The following SPON1 variants were observed in gnomAD, a reference collection of about 807,000 sequenced individuals.
The protein encoded by SPON1 is spondin-1.
SPON1 carries 52 observed loss-of-function variants against 111.7 expected under a neutral mutation model. The observed-to-expected ratio is 0.47, with a 90% CI of 0.37 to 0.59. The LOEUF (loss-of-function observed/expected upper bound fraction) is 0.59, where lower values mean the gene tolerates loss of function less well. Among genes scored for constraint, SPON1 ranks in the 20% least tolerant of loss-of-function variants. SPON1 has a pLI of 0.00. For synonymous variants in SPON1, 410 were observed against 395.8 expected (o/e 1.04, Z -0.43); for missense variants, 957 against 1,068.5 (o/e 0.90, Z 1.46).
At chr11:14,055,193 C>A (rs1848735922) in intron 3 of SPON1, among the ~76,000 whole-genome samples, 1 of 152,192 alleles carries the variant, frequency 6.6e-6, no homozygotes, top group Admixed American at 6.5e-5. Context: ...TAACACACTC[C>A]TATCTTTCTA....
At chr11:14,098,662 GA>G (rs1554924132) in intron 5 of SPON1, among the ~76,000 whole-genome samples, 1 of 149,752 alleles carries the variant, frequency 6.7e-6, no homozygotes, top group African/African-American at 2.4e-5. Flanking sequence ...CAGAGAGAGA[GA>G]GAGGGGTGGG....
chr11:14,135,383 G>A lies in SPON1; in HGVS notation c.677-37G>A, dbSNP rs1460812984. The stretch of plus-strand genomic sequence containing the variant: ...TTAAGGGACTCGTGTTTCAGCCACA[G>A]CCATGCTGATAACTGCCTCCTGATT... On this transcript the variant is annotated intron_variant, in intron 5 of 15. Transcript: ENST00000576479. The surrounding 1 kb of genome is among the most constrained non-coding windows in gnomAD (Gnocchi z 4.4). The A allele has an allele frequency of 3.8e-6, 6 of 1,593,946 alleles. No individual in the cohort carries two copies. In the South Asian group the frequency reaches 4.5e-5, roughly 12 times the overall value.
At position 14,013,605 on chromosome 11, in the gene SPON1, A is replaced by G. The variant is rs138956006; in HGVS notation, c.346-27916A>G. On this transcript the variant is annotated intron_variant, in intron 2 of 15. Transcript: ENST00000576479. ...AGTAGGATCTTCTGGGGTACATACA[A>G]CTTAAATGTAGTTTTGAAAGTTGCT... Among the ~76,000 whole-genome samples the G allele has an allele frequency of 7.9e-5, 12 of 152,230 alleles. No individual in the cohort carries two copies. The East Asian group carries it at 2.3e-3, about 29-fold the overall frequency.
intron 7 of SPON1, among the ~76,000 whole-genome samples, chr11:14,243,650 T>C (rs544982806): frequency 3.3e-5 from 5 of 152,296 alleles, no homozygotes; most frequent in African/African-American, 4.8e-5. Context: ...CCAACTCAGA[T>C]GGGATGATTA....
chr11:14,159,555 A>T (rs1364664832), intron 6 of SPON1, among the ~76,000 whole-genome samples: 1 of 152,148 alleles, frequency 6.6e-6, no homozygotes, highest in Non-Finnish European at 1.5e-5. Context: ...AAGAAAGGAA[A>T]TCAGTATATC....
At position 14,266,916 on chromosome 11, in the gene SPON1, C is replaced by A. The variant is rs781833582; in HGVS notation, c.*1229C>A. ...TGCCTTCCCAGCAATTATAAGCACA[C>A]CAGATTCAGGGAGACTGACCACCAA... On this transcript the variant is annotated 3_prime_UTR_variant, in exon 16 of 16. Transcript: ENST00000576479. 1.3e-5 allele frequency: 2 copies of A among 152,190 alleles called. No individual in the cohort carries two copies. The highest frequency in any genetic ancestry group is 2.4e-5 in the African/African-American group (1 of 41,434). 9.4% of individuals were successfully genotyped at this position (152,190 alleles called of 1,614,324 possible).
At chr11:14,065,937 G>A (rs1251771772) in intron 3 of SPON1, among the ~76,000 whole-genome samples, 3 of 152,146 alleles carry the variant, frequency 2.0e-5, no homozygotes, top group African/African-American at 7.2e-5. Flanking sequence ...CTGGACTCAA[G>A]GGGCTCTGAG....
intron 6 of SPON1, among the ~76,000 whole-genome samples, chr11:14,225,727 ATATCT>A (rs772625671): frequency 3.9e-5 from 6 of 152,232 alleles, no homozygotes; most frequent in African/African-American, 1.4e-4. Context: ...AGAAAATAAA[ATATCT>A]TATCAGAGAG....
At chr11:13,991,437 GTTC>G (rs2133787151) in intron 2 of SPON1, among the ~76,000 whole-genome samples, 1 of 152,222 alleles carries the variant, frequency 6.6e-6, no homozygotes, top group South Asian at 2.1e-4. Flanking sequence ...GGTCATTTAT[GTTC>G]TTCTCTACAC....
In SPON1 at chr11:14,027,558, TC is replaced by T. The variant is rs1258592860; in HGVS notation, c.346-13961del. Among the ~76,000 whole-genome samples, 8 of 152,318 alleles carry T rather than the reference TC, an allele frequency of 5.3e-5. 1 individual carries two copies. The highest frequency in any genetic ancestry group is 3.4e-3 in the Middle Eastern group (1 of 294). ...GGACCTCAGCAAACTGAGTTTTTGC[TC>T]CTTTTTCCTTTGCTAAATGAAATCA... On this transcript the variant is annotated intron_variant, in intron 2 of 15. Coordinates refer to ENST00000576479, the MANE Select transcript of SPON1 (RefSeq NM_006108.4).
chr11:14,128,490 C>A (rs905784531), intron 5 of SPON1, among the ~76,000 whole-genome samples: 1 of 152,214 alleles, frequency 6.6e-6, no homozygotes, highest in East Asian at 1.9e-4. Flanking sequence ...AGGCCTTGGG[C>A]AGCTCCACCC....
intron 3 of SPON1, among the ~76,000 whole-genome samples, chr11:14,054,398 A>AG (rs1297653538): frequency 3.3e-5 from 5 of 152,230 alleles, no homozygotes; most frequent in Admixed American, 2.0e-4. Context: ...TTAAGGAGAA[A>AG]GAGGGGGAAG....
chr11:14,013,817 T>C (rs1303702339), intron 2 of SPON1, among the ~76,000 whole-genome samples: 1 of 152,094 alleles, frequency 6.6e-6, no homozygotes, highest in Non-Finnish European at 1.5e-5. Context: ...GTTATGAACA[T>C]TTTAGAGATG....
At chr11:14,240,267 A>G (rs1848911367) in intron 6 of SPON1, among the ~76,000 whole-genome samples, 1 of 152,238 alleles carries the variant, frequency 6.6e-6, no homozygotes, top group Admixed American at 6.5e-5. Flanking sequence ...GTTAAGTTCT[A>G]CCAGATAACT....
At chr11:14,121,892 T>G (rs1239636545) in intron 5 of SPON1, among the ~76,000 whole-genome samples, 1 of 144,568 alleles carries the variant, frequency 6.9e-6, no homozygotes, top group South Asian at 2.1e-4. Flanking sequence ...GGCTGACAGT[T>G]TTTTTTTTTA....
chr11:13,975,877 T>C (rs1265957777), intron 1 of SPON1, among the ~76,000 whole-genome samples: 1 of 152,114 alleles, frequency 6.6e-6, no homozygotes, highest in Non-Finnish European at 1.5e-5. Context: ...ATTATGATCT[T>C]TTATCATAAT....
chr11:13,967,571 G>A (rs1209118983), intron 1 of SPON1, among the ~76,000 whole-genome samples: 1 of 150,946 alleles, frequency 6.6e-6, no homozygotes, highest in Non-Finnish European at 1.5e-5. Flanking sequence ...AGATTTGACT[G>A]TTGTTTTGTT....
chr11:14,262,978 A>T lies in SPON1; in HGVS notation c.2260+3A>T, dbSNP rs1233190112. On this transcript the variant is annotated splice_donor_region_variant and intron_variant, in intron 15 of 15. Transcript: ENST00000576479. ...GTCTGAAGGGGAGCAGTTCCCAGGT[A>T]TGGCTCCCAAGTGTCAGCCTGGGTG... 1 of 1,601,692 alleles carries T rather than the reference A, an allele frequency of 6.2e-7. No homozygotes were observed. The highest frequency in any genetic ancestry group is 1.1e-5 in the South Asian group (1 of 90,698).
intron 6 of SPON1, among the ~76,000 whole-genome samples, chr11:14,168,286 AT>A (rs1848054834): frequency 6.6e-6 from 1 of 152,176 alleles, no homozygotes; most frequent in African/African-American, 2.4e-5. Context: ...TTTTCAAGAC[AT>A]TTTATTTTAC....
Sources: allele counts gnomAD v4.1 joint callset (sites outside exome capture counted in the v4.1 genomes callset), GRCh38; gene constraint gnomAD v4.1.1; non-coding constraint Gnocchi (gnomAD v3.1); transcripts MANE v1.5; gene names NCBI Gene and HGNC (gene_info 2026-07-23, HGNC 2026-07-21).